The following PTPRB variants were observed in gnomAD, a reference collection of about 807,000 sequenced individuals.
PTPRB encodes the protein protein tyrosine phosphatase receptor type B.
Under a neutral mutation model 238.1 loss-of-function variants are expected in PTPRB, and 97 were observed. The ratio of observed to expected loss-of-function variants is 0.41; its 90% CI spans 0.35 to 0.48. PTPRB has a LOEUF of 0.48. Among genes scored for constraint, PTPRB ranks in the 20% least tolerant of loss-of-function variants. The probability of loss-of-function intolerance (pLI) is 0.30; values close to 1 mark genes in which losing one functional copy is unlikely to be tolerated. For synonymous variants in PTPRB, 970 were observed against 995.4 expected (o/e 0.97, Z 0.48); for missense variants, 2,292 against 2,681.9 (o/e 0.85, Z 3.21).
chr12:70,581,758 G>A (rs1592529946), intron 9 of PTPRB, among the ~76,000 whole-genome samples: 1 of 151,500 alleles, frequency 6.6e-6, no homozygotes, highest in East Asian at 1.9e-4. Flanking sequence ...GTTCTATACT[G>A]GCACATTCTT....
At chr12:70,579,569 T>G (rs1881148057) in intron 10 of PTPRB, among the ~76,000 whole-genome samples, 1 of 151,690 alleles carries the variant, frequency 6.6e-6, no homozygotes, top group African/African-American at 2.4e-5. Context: ...TGGTGGTGCG[T>G]GCCTGTAATC....
At chr12:70,582,610 A>C (rs1285779287) in intron 9 of PTPRB, among the ~76,000 whole-genome samples, 1 of 152,106 alleles carries the variant, frequency 6.6e-6, no homozygotes, top group East Asian at 1.9e-4. Context: ...TCAGATGTCT[A>C]TATGCAAAGA....
At chr12:70,537,464 C>T (rs1260674079) in intron 28 of PTPRB, among the ~76,000 whole-genome samples, 3 of 152,112 alleles carry the variant, frequency 2.0e-5, no homozygotes, top group Admixed American at 1.3e-4. Context: ...CTCAACTCTT[C>T]TGAGAGTTCC....
Position 70,521,188 on chromosome 12 carries a change from G to C in PTPRB, c.*301C>G. On this transcript the variant is annotated 3_prime_UTR_variant, in exon 34 of 34. Coordinates refer to ENST00000334414, the MANE Select transcript of PTPRB (RefSeq NM_001109754.4). Reference sequence around the variant, plus strand: ...ATTTTACCAGTAGTCCTGTCATACAGGTTGAATTAGTTTTATGTAGAACAA... The same window carrying C: ...ATTTTACCAGTAGTCCTGTCATACACGTTGAATTAGTTTTATGTAGAACAA... 3.9e-6 allele frequency: 1 copy of C among 256,660 alleles called. No homozygotes were observed. Among genetic ancestry groups the C allele is most frequent in the Non-Finnish European group, 7.3e-6 (1 of 136,710 alleles). 15.9% of individuals were successfully genotyped at this position (256,660 alleles called of 1,614,324 possible). A position where few individuals can be genotyped will look rare whatever the true frequency, so the allele number is the denominator to read the frequency against.
Position 70,626,303 on chromosome 12 carries a change from CTATCTATCTATCTATCT to C in PTPRB, c.452-3674_452-3658del, listed in dbSNP as rs1885181700. Among the ~76,000 whole-genome samples the C allele has an allele frequency of 1.5e-4, 11 of 71,070 alleles. 1 individual carries two copies. Among genetic ancestry groups the C allele is most frequent in the African/African-American group, 5.6e-4 (10 of 17,778 alleles). 46.6% of individuals were successfully genotyped at this position (71,070 alleles called of 152,430 possible). A position where few individuals can be genotyped will look rare whatever the true frequency, so the allele number is the denominator to read the frequency against. On this transcript the variant is annotated intron_variant, in intron 2 of 33. Transcript: ENST00000334414. ...GGATGATGTCTATCCATCCATCTATCTATCTATCTATCTATCTATCTATCTATCTATCTATCTATCTA... is the reference window on the plus strand; with the variant it reads ...GGATGATGTCTATCCATCCATCTATCATCTATCTATCTATCTATCTATCTA...
chr12:70,599,911 A>G (rs908685351), intron 4 of PTPRB, among the ~76,000 whole-genome samples: 4 of 148,956 alleles, frequency 2.7e-5, no homozygotes, highest in Non-Finnish European at 5.9e-5. Flanking sequence ...TGGAGGCTAT[A>G]GTGCATCATA....
At chr12:70,541,899 A>G (rs1479119402) in intron 22 of PTPRB, 2 of 133,120 alleles carry the variant, frequency 1.5e-5, no homozygotes, top group African/African-American at 2.4e-5. Context: ...GCGATTATGA[A>G]TAATGCTGCT....
intron 4 of PTPRB, among the ~76,000 whole-genome samples, chr12:70,600,981 C>T (rs1592570325): frequency 6.6e-6 from 1 of 152,122 alleles, no homozygotes; most frequent in Non-Finnish European, 1.5e-5. Context: ...GATTCTCCTG[C>T]CTCAGCCTCC....
rs771119207 is a variant in PTPRB at position 70,534,648 on chromosome 12, C to T, written c.6208G>A (p.Glu2070Lys). The change falls in exon 31 of 34, where the codon GAA (glutamate) becomes AAA (lysine). Residue 2070 changes from glutamate to lysine, a missense_variant. Around this residue, in one of 4 missense-constraint regions of PTPRB, gnomAD observed 397 missense variants for 502.0 expected, o/e 0.79. Transcript: ENST00000334414. ...TIREFKICGE[E>K]QLDAHRLIRH... ...ATGAGTCTGTGTGCATCAAGCTGTTCCTCCTGTAAGAGCAGAGAGCAGGAT... is the reference window on the plus strand; with the variant it reads ...ATGAGTCTGTGTGCATCAAGCTGTTTCTCCTGTAAGAGCAGAGAGCAGGAT... The T allele has an allele frequency of 6.2e-7, 1 of 1,611,876 alleles. No homozygotes were observed. The highest frequency in any genetic ancestry group is 8.5e-7 in the Non-Finnish European group (1 of 1,178,994).
chr12:70,578,791 C>T (rs905354733), intron 10 of PTPRB, among the ~76,000 whole-genome samples: 4 of 152,170 alleles, frequency 2.6e-5, no homozygotes, highest in African/African-American at 4.8e-5. Context: ...ACCTGTGTGG[C>T]AGAATATGGT....
chr12:70,598,534 G>A (rs1883220564), intron 4 of PTPRB, among the ~76,000 whole-genome samples: 2 of 140,514 alleles, frequency 1.4e-5, no homozygotes, highest in South Asian at 2.3e-4. Context: ...TCCTATCTGG[G>A]GAGTATAATA....
At position 70,630,470 on chromosome 12, in the gene PTPRB, T is replaced by C. The variant is rs535651721; in HGVS notation, c.451+5201A>G. On this transcript the variant is annotated intron_variant, in intron 2 of 33. Transcript: ENST00000334414. ...AACCCACAGCCAATATCATACTGAA[T>C]GGGCAAAAACTGGAAGCATTCCCTT... is the stretch of plus-strand genomic sequence containing the variant. Among the ~76,000 whole-genome samples the C allele has an allele frequency of 6.5e-4, 99 of 152,318 alleles. 1 individual carries two copies. The highest frequency in any genetic ancestry group is 1.3e-3 in the Non-Finnish European group (87 of 68,026).
intron 3 of PTPRB, among the ~76,000 whole-genome samples, chr12:70,616,615 C>T (rs933638188): frequency 3.9e-5 from 6 of 152,208 alleles, no homozygotes; most frequent in Non-Finnish European, 7.4e-5. Flanking sequence ...CAGGTGATTC[C>T]GATATATGTA....
chr12:70,524,155 C>T (rs1871996151), intron 33 of PTPRB, among the ~76,000 whole-genome samples: 1 of 152,106 alleles, frequency 6.6e-6, no homozygotes, highest in African/African-American at 2.4e-5. Context: ...GTCACCCAGG[C>T]TGGAGTGCAG....
chr12:70,559,411 T>C lies in PTPRB; in HGVS notation c.4646A>G (p.Asn1549Ser), dbSNP rs201449398. ...GGAATCACCACTGACAGTCTTGACG[T>C]TGAATTGATAGGATCTCCCTGGACG... is the stretch of plus-strand genomic sequence containing the variant. Reference protein sequence around the residue: ...GLRPGRSYQFNVKTVSGDSWK... With the variant: ...GLRPGRSYQFSVKTVSGDSWK... The change falls in exon 18 of 34, where the codon AAC (asparagine) becomes AGC (serine). Residue 1549 changes from asparagine to serine, a missense_variant. Physicochemically the swap from Asn to Ser is conservative, Grantham distance 46. This residue lies in a region of PTPRB where 683 missense variants were observed against 862.0 expected (regional missense o/e 0.79). Transcript: ENST00000334414. 4.5e-4 allele frequency: 727 copies of C among 1,613,866 alleles called. No homozygotes were observed. The highest frequency in any genetic ancestry group is 5.5e-4 in the Non-Finnish European group (646 of 1,179,846).
intron 8 of PTPRB, among the ~76,000 whole-genome samples, chr12:70,587,553 A>G (rs1042569763): frequency 7.2e-5 from 11 of 152,276 alleles, no homozygotes; most frequent in Non-Finnish European, 1.6e-4. Flanking sequence ...ATACAAAAAT[A>G]TTTACTCCAA....
intron 3 of PTPRB, among the ~76,000 whole-genome samples, chr12:70,620,342 T>C (rs1380803244): frequency 1.3e-5 from 2 of 152,212 alleles, no homozygotes; most frequent in African/African-American, 4.8e-5. Flanking sequence ...CCCAGACTCT[T>C]GACTGCAGCA....
chr12:70,576,446 G>A lies in PTPRB; in HGVS notation c.2778C>T (p.Tyr926=). Residue 926 remains tyrosine (Y), a synonymous_variant, in exon 11 of 34, where the codon TAC becomes TAT. Coordinates refer to ENST00000334414, the MANE Select transcript of PTPRB (RefSeq NM_001109754.4). The part of the protein sequence containing the change: ...SFSSLTPGRL[Y]TVTITTRSGK... ...CACTCCTTGTAGTTATGGTCACGGTGTAGAGGCGGCCTGGGGTGAGGGAGC... is the reference window on the plus strand; with the variant it reads ...CACTCCTTGTAGTTATGGTCACGGTATAGAGGCGGCCTGGGGTGAGGGAGC... 3.1e-6 allele frequency: 5 copies of A among 1,606,828 alleles called. No individual in the cohort carries two copies. The highest frequency in any genetic ancestry group is 4.3e-6 in the Non-Finnish European group (5 of 1,176,436).
chr12:70,605,303 T>C (rs1883853140), intron 4 of PTPRB, among the ~76,000 whole-genome samples: 1 of 152,220 alleles, frequency 6.6e-6, no homozygotes, highest in African/African-American at 2.4e-5. Flanking sequence ...CACTAAAATA[T>C]TAATTTCATT....
Sources: gnomAD v4.1 joint callset for allele counts (sites outside exome capture counted in the v4.1 genomes callset) on GRCh38, gnomAD v4.1.1 for gene constraint, gnomAD v4.1.1 regional missense constraint, MANE v1.5 for transcripts, NCBI Gene and HGNC (gene_info 2026-07-23, HGNC 2026-07-21) for gene names.